Variants in RIPOR3 observed in about 807,000 individuals in gnomAD.
The protein encoded by RIPOR3 is RIPOR family member 3, also known as family with sequence similarity 65 member C.
RIPOR3 carries 95 observed loss-of-function variants against 114.3 expected under a neutral mutation model. The observed-to-expected ratio is 0.83, with a 90% CI of 0.70 to 0.99. The LOEUF (loss-of-function observed/expected upper bound fraction) is 0.99. Ranked by LOEUF, RIPOR3 falls within the 50% of genes least tolerant of loss-of-function variation. RIPOR3 has a pLI of 0.00. For missense variants in RIPOR3, 1,252 were observed against 1,266.9 expected, an observed-to-expected ratio of 0.99 and a Z score of 0.18; for synonymous variants, 575 against 543.8, an observed-to-expected ratio of 1.06 and a Z score of -0.80.
chr20:50,591,536 G>A (rs1169293558), intron 19 of RIPOR3, among the ~76,000 whole-genome samples: 1 of 152,202 alleles, frequency 6.6e-6, no homozygotes, highest in Admixed American at 6.5e-5. Flanking sequence ...CCACAAAGTA[G>A]GCGGATGGGC....
At chr20:50,652,866 T>G (rs533228715) in intron 1 of RIPOR3, among the ~76,000 whole-genome samples, 1 of 152,188 alleles carries the variant, frequency 6.6e-6, no homozygotes, top group South Asian at 2.1e-4. Flanking sequence ...GCAGCTGCTT[T>G]GGAAAACAGC....
intron 2 of RIPOR3, chr20:50,620,975 A>G (rs561497929): frequency 1.9e-6 from 1 of 533,848 alleles, no homozygotes; most frequent in South Asian, 1.7e-5. Context: ...CCTCAAGTTC[A>G]TCAAGGAAAG....
intron 1 of RIPOR3, among the ~76,000 whole-genome samples, chr20:50,649,847 G>T (rs1263964620): frequency 1.3e-5 from 2 of 152,214 alleles, no homozygotes; most frequent in Non-Finnish European, 2.9e-5. Flanking sequence ...GGGGGCAGGG[G>T]ATGATCTGGG....
chr20:50,650,119 C>CTT (rs1464234042), intron 1 of RIPOR3, among the ~76,000 whole-genome samples: 7 of 152,098 alleles, frequency 4.6e-5, no homozygotes, highest in African/African-American at 1.7e-4. Context: ...TGAGGGCCCT[C>CTT]TTCCAGGTTG....
intron 1 of RIPOR3, among the ~76,000 whole-genome samples, chr20:50,660,914 AACCACCAC>A (rs979199241): frequency 2.5e-4 from 38 of 151,626 alleles, no homozygotes; most frequent in African/African-American, 6.8e-4. Context: ...GAACTACAGG[AACCACCAC>A]ACCTGGCTAA....
At chr20:50,600,924 T>C (rs2083471731) in intron 13 of RIPOR3, among the ~76,000 whole-genome samples, 1 of 152,256 alleles carries the variant, frequency 6.6e-6, no homozygotes, top group Non-Finnish European at 1.5e-5. Context: ...TTCCCCTATG[T>C]TGATTTGTCC....
At chr20:50,632,157 C>A (rs1335316194) in intron 1 of RIPOR3, among the ~76,000 whole-genome samples, 4 of 152,128 alleles carry the variant, frequency 2.6e-5, no homozygotes, top group African/African-American at 9.7e-5. Context: ...CTCCACAAGC[C>A]TCCTCCTCCC....
rs748927760 is a variant in RIPOR3, at chr20:50,587,782, C to G, written c.2752+20G>C. The G allele has an allele frequency of 4.3e-5, 70 of 1,613,210 alleles. 1 individual carries two copies. The highest frequency in any genetic ancestry group is 2.6e-4 in the South Asian group (24 of 91,040). On this transcript the variant is annotated intron_variant, in intron 21 of 21. Transcript: ENST00000327979. Reference sequence around the variant, plus strand: ...GCCCCAGGCACCCCGCTGCGCTGCACAGTTTGTGCCACTTTTTACCGAACG... The same window carrying G: ...GCCCCAGGCACCCCGCTGCGCTGCAGAGTTTGTGCCACTTTTTACCGAACG...
chr20:50,628,979 G>A (rs907549899), intron 2 of RIPOR3, among the ~76,000 whole-genome samples: 1 of 152,214 alleles, frequency 6.6e-6, no homozygotes. Context: ...GAGGGACCTG[G>A]CCTGGTCTGG....
intron 19 of RIPOR3, among the ~76,000 whole-genome samples, chr20:50,590,945 C>G (rs2083087474): frequency 6.6e-6 from 1 of 151,452 alleles, no homozygotes. Context: ...ACCCAAAAAA[C>G]AAAATACACC....
At position 50,691,194 on chromosome 20, in the gene RIPOR3, T is replaced by C; in HGVS notation, c.-66A>G. 1 of 1,289,304 alleles carries C rather than the reference T, an allele frequency of 7.8e-7. No homozygotes were observed. Among genetic ancestry groups the C allele is most frequent in the Non-Finnish European group, 1.0e-6 (1 of 988,786 alleles). The allele number at this position is 1,289,304 out of a possible 1,614,324, so 79.9% of individuals were successfully genotyped here. ...CTTGCAGCTGCCTCACTTTCCCTAT[T>C]GCCGCCAGCAAGCGTCTGCTCCCAT... On this transcript the variant is annotated 5_prime_UTR_variant, in exon 1 of 22. Transcript: ENST00000327979.
chr20:50,690,533 A>G (rs2087175887), intron 1 of RIPOR3, among the ~76,000 whole-genome samples: 1 of 152,140 alleles, frequency 6.6e-6, no homozygotes, highest in Non-Finnish European at 1.5e-5. Flanking sequence ...GTAATGCTCC[A>G]TCCATACCTC....
chr20:50,602,088 A>G lies in RIPOR3; in HGVS notation c.1643T>C (p.Phe548Ser). The change falls in exon 13 of 22, where the codon TTC becomes TCC. Residue 548 changes from phenylalanine to serine, a missense_variant. Phe to Ser is a radical substitution (Grantham distance 155). Transcript: ENST00000327979. The surrounding 1 kb of genome is among the most constrained non-coding windows in gnomAD (Gnocchi z 4.3). ...LRELEYQVLGFRDRLKPCRAR... is the reference protein window; with the variant it reads ...LRELEYQVLGSRDRLKPCRAR... Reference sequence around the variant, plus strand: ...TGGCCATACCTTCAGCCGGTCCCGGAAGCCGAGGACCTGGTACTCCAGCTC... The same window carrying G: ...TGGCCATACCTTCAGCCGGTCCCGGGAGCCGAGGACCTGGTACTCCAGCTC... The G allele has an allele frequency of 6.4e-7, 1 of 1,574,636 alleles. No individual in the cohort carries two copies. Among genetic ancestry groups the G allele is most frequent in the South Asian group, 1.1e-5 (1 of 87,054 alleles).
At chr20:50,687,018 T>G (rs756511634) in intron 1 of RIPOR3, among the ~76,000 whole-genome samples, 2 of 152,198 alleles carry the variant, frequency 1.3e-5, no homozygotes, top group African/African-American at 2.4e-5. Context: ...TCTGAACTTT[T>G]CCTATAGGTT....
In RIPOR3 at chr20:50,602,213, G is replaced by C; in HGVS notation, c.1518C>G (p.Thr506=). The part of the protein sequence containing the change: ...SSQNGHEEGA[T]GDREDGPGVA... ...CGCCAGGCCCGTCCTCTCTGTCCCC[G>C]GTTGCCCCTTCCTCGTGGCCGTTCT... Residue 506 remains threonine, a synonymous_variant, in exon 13 of 22, where the codon ACC becomes ACG. Transcript: ENST00000327979. This position sits in a 1 kb window ranked among gnomAD's most constrained non-coding sequence, Gnocchi z 4.3. The C allele has an allele frequency of 6.2e-7, 1 of 1,613,696 alleles. No homozygotes were observed. The highest frequency in any genetic ancestry group is 8.5e-7 in the Non-Finnish European group (1 of 1,179,946).
chr20:50,627,934 G>A (rs1333774839), intron 2 of RIPOR3, among the ~76,000 whole-genome samples: 4 of 152,218 alleles, frequency 2.6e-5, no homozygotes, highest in African/African-American at 9.6e-5. Context: ...GGTCCCTACA[G>A]TGCTTCAGTG....
At position 50,608,679 on chromosome 20, in the gene RIPOR3, G is replaced by A. The variant is rs1441323738; in HGVS notation, c.744C>T (p.Asp248=). ...TCTCCTCTTCGTCCCAGGTCTGGCTGTCATCTGACTCGATCCGACCCTTGA... is the reference window on the plus strand; with the variant it reads ...TCTCCTCTTCGTCCCAGGTCTGGCTATCATCTGACTCGATCCGACCCTTGA... ...WKLKGRIESD[D]SQTWDEEEKA... Residue 248 remains aspartate, a synonymous_variant, in exon 10 of 22, where the codon GAC becomes GAT. Transcript: ENST00000327979. The A allele has an allele frequency of 6.2e-7, 1 of 1,614,064 alleles. No homozygotes were observed. The highest frequency in any genetic ancestry group is 1.7e-5 in the Admixed American group (1 of 60,026).
intron 3 of RIPOR3, 151 bp from the exon 4 acceptor site, chr20:50,616,231 G>C: frequency 1.4e-6 from 1 of 703,884 alleles, no homozygotes; most frequent in South Asian, 1.8e-5. Context: ...CTCACACTGG[G>C]GGCTGTGTGC....
chr20:50,638,857 T>A (rs898364813), intron 1 of RIPOR3, among the ~76,000 whole-genome samples: 22 of 152,130 alleles, frequency 1.4e-4, no homozygotes, highest in East Asian at 7.7e-4. Context: ...GATGAGAGCA[T>A]TTGGAGCCTG....
Sources: gnomAD v4.1 joint callset for allele counts (sites outside exome capture counted in the v4.1 genomes callset) on GRCh38, gnomAD v4.1.1 for gene constraint, Gnocchi (gnomAD v3.1) non-coding constraint, MANE v1.5 for transcripts, NCBI Gene and HGNC (gene_info 2026-07-23, HGNC 2026-07-21) for gene names.